Variants in ME3 observed in about 807,000 individuals in gnomAD.
ME3 encodes the protein NADP-dependent malic enzyme, mitochondrial.
In ME3, 48 loss-of-function variants were observed where a neutral mutation model predicts 68.9. The ratio of observed to expected loss-of-function variants is 0.70; its 90% CI spans 0.55 to 0.89. The LOEUF (loss-of-function observed/expected upper bound fraction) is 0.89, where lower values mean the gene tolerates loss of function less well. ME3 is among the 40% of genes least tolerant of loss of function. The pLI is 0.00. For missense variants in ME3, 675 were observed against 797.4 expected, an observed-to-expected ratio of 0.85 and a Z score of 1.85; for synonymous variants, 320 against 318.8, an observed-to-expected ratio of 1.00 and a Z score of -0.04.
Position 86,450,289 on chromosome 11 carries a change from A to G in ME3, c.1017+12T>C. Reference sequence around the variant, plus strand: ...TCCTGGAGCAACCAAAGAAACCCTCAATGCCACATACCTCGCCTGCACCTT... The same window carrying G: ...TCCTGGAGCAACCAAAGAAACCCTCGATGCCACATACCTCGCCTGCACCTT... On this transcript the variant is annotated intron_variant, in intron 9 of 14. Transcript: ENST00000543262. 1 of 1,613,218 alleles carries G rather than the reference A, an allele frequency of 6.2e-7. No individual in the cohort carries two copies. Among genetic ancestry groups the G allele is most frequent in the Non-Finnish European group, 8.5e-7 (1 of 1,179,258 alleles).
At chr11:86,509,001 C>T (rs3781808) in intron 4 of ME3, 134 bp from the exon 5 acceptor site, 40,547 of 696,856 alleles carry the variant, frequency 0.058, 1,639 homozygotes, top group Admixed American at 0.12. Context: ...CTGCCCGAGG[C>T]CCCAGCAGTT....
intron 5 of ME3, among the ~76,000 whole-genome samples, chr11:86,504,407 T>TTTTTTTTTTTTTTA (rs1491166256): frequency 3.5e-4 from 44 of 125,564 alleles, no homozygotes; most frequent in African/African-American, 1.4e-3. Flanking sequence ...TTTTTTTTTT[T>TTTTTTTTTTTTTTA]GAGACAGAGT....
chr11:86,614,830 C>T (rs1390025106), intron 2 of ME3, among the ~76,000 whole-genome samples: 2 of 152,170 alleles, frequency 1.3e-5, no homozygotes, highest in Non-Finnish European at 2.9e-5. Context: ...TTCTCTGATA[C>T]TGGTATTATT....
At chr11:86,643,462 C>A (rs1378911205) in intron 2 of ME3, among the ~76,000 whole-genome samples, 2 of 152,072 alleles carry the variant, frequency 1.3e-5, no homozygotes, top group South Asian at 4.1e-4. Flanking sequence ...CAGGAAATCC[C>A]AATCTATCTT....
chr11:86,450,343 GTTC>G, exon 9 of ME3: 3 of 1,614,150 alleles, frequency 1.9e-6, no homozygotes, highest in Admixed American at 1.7e-5. Flanking sequence ...TGGAAAGCTT[GTTC>G]TTGGTGATTC....
intron 5 of ME3, among the ~76,000 whole-genome samples, chr11:86,507,104 T>C (rs1274474490): frequency 6.6e-6 from 1 of 152,160 alleles, no homozygotes; most frequent in South Asian, 2.1e-4. Context: ...ACCTGCTCTG[T>C]TTTTAAGTAA....
At chr11:86,558,832 T>A (rs1394043986) in intron 3 of ME3, among the ~76,000 whole-genome samples, 1 of 151,772 alleles carries the variant, frequency 6.6e-6, no homozygotes, top group African/African-American at 2.4e-5. Context: ...ACCCTATGAG[T>A]TTTCCCTATG....
chr11:86,642,603 A>G (rs1944738982), intron 2 of ME3, among the ~76,000 whole-genome samples: 1 of 152,162 alleles, frequency 6.6e-6, no homozygotes, highest in African/African-American at 2.4e-5. Context: ...TGGGAGGCTA[A>G]AGTGGGAATG....
chr11:86,629,159 A>G (rs1216291057), intron 2 of ME3, among the ~76,000 whole-genome samples: 2 of 152,256 alleles, frequency 1.3e-5, no homozygotes, highest in Non-Finnish European at 2.9e-5. Context: ...AGGCCTGGAA[A>G]CTGGAGCCCT....
chr11:86,660,678 C>T (rs949332410), intron 2 of ME3, among the ~76,000 whole-genome samples: 4 of 152,124 alleles, frequency 2.6e-5, no homozygotes, highest in Non-Finnish European at 5.9e-5. Flanking sequence ...TAGCTGACTA[C>T]TTTCCTTTAC....
At chr11:86,659,918 T>C (rs1418585295) in intron 2 of ME3, among the ~76,000 whole-genome samples, 2 of 151,980 alleles carry the variant, frequency 1.3e-5, no homozygotes, top group African/African-American at 4.8e-5. Context: ...ATTTTTTTTT[T>C]AAGTTAGTTT....
intron 4 of ME3, among the ~76,000 whole-genome samples, chr11:86,554,496 A>G (rs1012537183): frequency 6.6e-5 from 10 of 152,268 alleles, no homozygotes; most frequent in African/African-American, 2.2e-4. Context: ...GCATATGTAT[A>G]ATATGATTCT....
chr11:86,535,797 G>A (rs1220343483), intron 4 of ME3, among the ~76,000 whole-genome samples: 2 of 152,116 alleles, frequency 1.3e-5, no homozygotes, highest in Non-Finnish European at 2.9e-5. Context: ...CTGTCTTTAA[G>A]TAGGGAGCCA....
chr11:86,660,464 A>T (rs930994898), intron 2 of ME3, among the ~76,000 whole-genome samples: 1 of 152,248 alleles, frequency 6.6e-6, no homozygotes, highest in Admixed American at 6.5e-5. Flanking sequence ...CAACTTGTCA[A>T]GTAGATATGT....
At chr11:86,547,980 T>TC (rs1337227502) in intron 4 of ME3, among the ~76,000 whole-genome samples, 1 of 152,202 alleles carries the variant, frequency 6.6e-6, no homozygotes, top group East Asian at 1.9e-4. Context: ...AACATCCTGT[T>TC]CTAGTTAATA....
At chr11:86,667,099 G>A (rs867103182) in intron 2 of ME3, among the ~76,000 whole-genome samples, 1 of 152,332 alleles carries the variant, frequency 6.6e-6, no homozygotes, top group Middle Eastern at 3.4e-3. Context: ...TGCTCTAAAT[G>A]TATCAAGTCC....
rs1949304753 is a variant in ME3, at chr11:86,446,494, G to T, written c.1381-7C>A. On this transcript the variant is annotated splice_polypyrimidine_tract_variant and splice_region_variant and intron_variant, in intron 12 of 14. Transcript: ENST00000543262. ...TGGCAAAAATCCCTCGGCCCTGGAGGCAGGAAGAAAACCAGAGATGAACTT... is the reference window on the plus strand; with the variant it reads ...TGGCAAAAATCCCTCGGCCCTGGAGTCAGGAAGAAAACCAGAGATGAACTT... 6.2e-7 allele frequency: 1 copy of T among 1,613,896 alleles called. No homozygotes were observed. The highest frequency in any genetic ancestry group is 8.5e-7 in the Non-Finnish European group (1 of 1,179,920).
intron 8 of ME3, among the ~76,000 whole-genome samples, chr11:86,455,917 A>G (rs2138664308): frequency 6.6e-6 from 1 of 152,306 alleles, no homozygotes; most frequent in South Asian, 2.1e-4. Context: ...GGCGAGGAGA[A>G]TTGCATTGTA....
chr11:86,632,697 A>C (rs559165677), intron 2 of ME3, among the ~76,000 whole-genome samples: 1 of 152,310 alleles, frequency 6.6e-6, no homozygotes, highest in Admixed American at 6.5e-5. Context: ...AGGAGGGGAC[A>C]GAGGAGGCCA....
Sources: gnomAD v4.1 joint callset for allele counts (sites outside exome capture counted in the v4.1 genomes callset) on GRCh38, gnomAD v4.1.1 for gene constraint, MANE v1.5 for transcripts, NCBI Gene and HGNC (gene_info 2026-07-23, HGNC 2026-07-21) for gene names.